The following NTN1 variants were observed in gnomAD, a reference collection of about 807,000 sequenced individuals.
NTN1 encodes netrin 1.
In NTN1, 11 loss-of-function variants were observed where a neutral mutation model predicts 54.2. The observed-to-expected ratio is 0.20, with a 90% confidence interval of 0.13 to 0.34. The LOEUF (loss-of-function observed/expected upper bound fraction) is 0.34. Ranked by LOEUF, NTN1 falls within the 10% of genes least tolerant of loss-of-function variation. NTN1 has a pLI of 1.00. For missense variants in NTN1, 740 were observed against 893.1 expected (o/e 0.83, Z 2.18); for synonymous variants, 371 against 382.0 (o/e 0.97, Z 0.33).
chr17:9,138,474 G>A (rs1052722145), intron 2 of NTN1, among the ~76,000 whole-genome samples: 3 of 152,056 alleles, frequency 2.0e-5, no homozygotes, highest in Non-Finnish European at 4.4e-5. Flanking sequence ...GACCCCAGAC[G>A]CTGCCTCTCC....
intron 2 of NTN1, among the ~76,000 whole-genome samples, chr17:9,070,353 A>T (rs1434467769): frequency 6.6e-6 from 1 of 152,110 alleles, no homozygotes; most frequent in Non-Finnish European, 1.5e-5. Context: ...AGAAAATGTC[A>T]TGCGTGCTTC....
chr17:9,238,371 C>T (rs1017610719), intron 6 of NTN1, among the ~76,000 whole-genome samples: 1 of 152,114 alleles, frequency 6.6e-6, no homozygotes, highest in African/African-American at 2.4e-5. Flanking sequence ...GGTGTTTCGC[C>T]CAGTGAAGGC....
At chr17:9,119,704 C>T (rs1031984428) in intron 2 of NTN1, among the ~76,000 whole-genome samples, 11 of 151,646 alleles carry the variant, frequency 7.3e-5, no homozygotes, top group African/African-American at 2.7e-4. Context: ...CACTATATTG[C>T]CCAGGCTGGT....
At chr17:9,109,701 G>A (rs4791787) in intron 2 of NTN1, among the ~76,000 whole-genome samples, 78,622 of 152,024 alleles carry the variant, frequency 0.52, 21,055 homozygotes, top group East Asian at 0.94. Flanking sequence ...ATTGCTTTCC[G>A]AGGTGATTGC....
At chr17:9,080,746 C>T (rs992343059) in intron 2 of NTN1, among the ~76,000 whole-genome samples, 2 of 152,152 alleles carry the variant, frequency 1.3e-5, no homozygotes, top group African/African-American at 2.4e-5. Flanking sequence ...GCTGATCACC[C>T]GTGGCCAATG....
chr17:9,192,264 C>A (rs1172368546), intron 5 of NTN1, among the ~76,000 whole-genome samples: 1 of 152,190 alleles, frequency 6.6e-6, no homozygotes, highest in Non-Finnish European at 1.5e-5. Flanking sequence ...AAGAGAGACA[C>A]AACCTACGTG....
chr17:9,015,142 G>A, the NTN1 span, among the ~76,000 whole-genome samples: 14 of 152,218 alleles, frequency 9.2e-5, no homozygotes, highest in African/African-American at 3.1e-4. Context: ...CAGGCACGGT[G>A]GCTCATGCCT....
At chr17:9,224,661 G>C (rs67470420) in intron 6 of NTN1, among the ~76,000 whole-genome samples, 32,042 of 152,158 alleles carry the variant, frequency 0.21, 3,646 homozygotes, top group Non-Finnish European at 0.24. Context: ...AGAGAGCTGC[G>C]GGCCAGCCCT....
At chr17:9,036,342 T>C (rs1287677031) in intron 2 of NTN1, among the ~76,000 whole-genome samples, 1 of 151,006 alleles carries the variant, frequency 6.6e-6, no homozygotes, top group Non-Finnish European at 1.5e-5. Context: ...AGTGCAGCTC[T>C]GGAGGCTTGC....
At chr17:9,124,151 A>G (rs1032343643) in intron 2 of NTN1, among the ~76,000 whole-genome samples, 2 of 152,056 alleles carry the variant, frequency 1.3e-5, no homozygotes, top group East Asian at 1.9e-4. Context: ...TCATAATCAC[A>G]TCCATTTTTC....
intron 5 of NTN1, among the ~76,000 whole-genome samples, chr17:9,202,055 C>CAAAAAAAAAAA (rs773720564): frequency 2.1e-5 from 1 of 48,316 alleles, no homozygotes; most frequent in African/African-American, 9.5e-5. Context: ...CACACACACA[C>CAAAAAAAAAAA]AAAAAAAAAA....
intron 6 of NTN1, among the ~76,000 whole-genome samples, chr17:9,233,467 G>A (rs1008877142): frequency 9.9e-5 from 15 of 152,130 alleles, no homozygotes; most frequent in African/African-American, 2.2e-4. Flanking sequence ...AGGGGCATCC[G>A]TCAGTTCCCA....
chr17:9,206,985 C>T (rs760615504), intron 5 of NTN1, among the ~76,000 whole-genome samples: 1 of 152,146 alleles, frequency 6.6e-6, no homozygotes, highest in Admixed American at 6.5e-5. Context: ...GAGACTCGAG[C>T]CTGGTGACTT....
chr17:9,230,633 G>A (rs539227810), intron 6 of NTN1, among the ~76,000 whole-genome samples: 1 of 152,188 alleles, frequency 6.6e-6, no homozygotes, highest in African/African-American at 2.4e-5. Flanking sequence ...GAGCCCGGTG[G>A]GGGCAGGGTG....
chr17:9,225,926 C>T (rs1335924009), intron 6 of NTN1, among the ~76,000 whole-genome samples: 3 of 152,226 alleles, frequency 2.0e-5, no homozygotes, highest in Non-Finnish European at 4.4e-5. Flanking sequence ...CCCCCTTCCT[C>T]CTCCAGGCCT....
chr17:9,150,805 T>A (rs1313325339), intron 2 of NTN1, among the ~76,000 whole-genome samples: 1 of 146,570 alleles, frequency 6.8e-6, no homozygotes, highest in Non-Finnish European at 1.5e-5. Flanking sequence ...AAAAAGTCAG[T>A]GGAAAAAATG....
chr17:9,020,775 G>C (rs2091843485), upstream of NTN1, among the ~76,000 whole-genome samples: 1 of 152,220 alleles, frequency 6.6e-6, no homozygotes, highest in South Asian at 2.1e-4. Context: ...TCTTGGAGGG[G>C]CGGTGGCCAG....
chr17:9,231,105 GC>G (rs1331374212), intron 6 of NTN1, among the ~76,000 whole-genome samples: 1 of 152,154 alleles, frequency 6.6e-6, no homozygotes, highest in Admixed American at 6.5e-5. Context: ...GACGCAGAGC[GC>G]GGGTGGGCAT....
chr17:9,051,363 T>A (rs1478453278), intron 2 of NTN1, among the ~76,000 whole-genome samples: 16 of 152,170 alleles, frequency 1.1e-4, no homozygotes. Context: ...GGATTGCTTC[T>A]GTTGCTGACC....
Sources: gnomAD v4.1 joint callset for allele counts (sites outside exome capture counted in the v4.1 genomes callset) on GRCh38, gnomAD v4.1.1 for gene constraint, MANE v1.5 for transcripts, NCBI Gene and HGNC (gene_info 2026-07-23, HGNC 2026-07-21) for gene names.